Variants in L3MBTL4 observed in about 807,000 individuals in gnomAD.
L3MBTL4 encodes the protein L3MBTL histone methyl-lysine binding protein 4, also known as lethal(3)malignant brain tumor-like protein 4.
Under a neutral mutation model 84.5 loss-of-function variants are expected in L3MBTL4, and 70 were observed. That is an observed-to-expected ratio of 0.83 (90% confidence interval 0.68 to 1.01). The LOEUF is 1.01. L3MBTL4 is among the 50% of genes least tolerant of loss of function. The probability of loss-of-function intolerance (pLI) is 0.00; values close to 1 mark genes in which losing one functional copy is unlikely to be tolerated. For missense variants in L3MBTL4, 715 were observed against 754.8 expected, an observed-to-expected ratio of 0.95 and a Z score of 0.62; for synonymous variants, 274 against 259.8, an observed-to-expected ratio of 1.05 and a Z score of -0.52.
intron 1 of L3MBTL4, among the ~76,000 whole-genome samples, chr18:6,331,034 T>G (rs1005408892): frequency 6.6e-6 from 1 of 152,112 alleles, no homozygotes; most frequent in Non-Finnish European, 1.5e-5. Context: ...ACAGCAAAAT[T>G]ATTTATATTA....
intron 1 of L3MBTL4, among the ~76,000 whole-genome samples, chr18:6,327,053 G>A (rs2051761520): frequency 6.6e-6 from 1 of 152,138 alleles, no homozygotes; most frequent in African/African-American, 2.4e-5. Flanking sequence ...TAGAAAGCAG[G>A]GAAATGCGTA....
At chr18:6,071,773 GA>G (rs1307430729) in intron 16 of L3MBTL4, among the ~76,000 whole-genome samples, 100 of 90,856 alleles carry the variant, frequency 1.1e-3, no homozygotes, top group African/African-American at 3.6e-3. Context: ...AAGAAAGAAA[GA>G]AAGAAAGAAA....
At chr18:6,230,184 A>T (rs191630892) in intron 10 of L3MBTL4, among the ~76,000 whole-genome samples, 78 of 152,142 alleles carry the variant, frequency 5.1e-4, no homozygotes, top group African/African-American at 1.8e-3. Context: ...CTCAGGTAAT[A>T]AGAGAGGTAA....
chr18:6,133,333 T>TCACACACACACACACACACACACA (rs71699994), intron 14 of L3MBTL4, among the ~76,000 whole-genome samples: 4 of 146,694 alleles, frequency 2.7e-5, no homozygotes, highest in African/African-American at 1.0e-4. Flanking sequence ...CAGCTCTAGA[T>TCACACACACACACACACACACACA]CACACACACA....
chr18:6,346,734 T>C (rs953995339), intron 1 of L3MBTL4, among the ~76,000 whole-genome samples: 1 of 152,066 alleles, frequency 6.6e-6, no homozygotes, highest in Non-Finnish European at 1.5e-5. Flanking sequence ...AACCCTTGTA[T>C]ACAATTGGTG....
chr18:6,244,226 G>A (rs1271369065), intron 6 of L3MBTL4, among the ~76,000 whole-genome samples: 1 of 152,100 alleles, frequency 6.6e-6, no homozygotes, highest in African/African-American at 2.4e-5. Flanking sequence ...TTCACAGATT[G>A]TTAGCAACCT....
At chr18:6,012,937 T>C (rs2145408056) in intron 16 of L3MBTL4, among the ~76,000 whole-genome samples, 1 of 152,210 alleles carries the variant, frequency 6.6e-6, no homozygotes, top group Non-Finnish European at 1.5e-5. Context: ...TCTCCTCTCT[T>C]CTCCTTTCTG....
At chr18:6,366,585 G>A (rs1000814245) in intron 1 of L3MBTL4, among the ~76,000 whole-genome samples, 14 of 152,178 alleles carry the variant, frequency 9.2e-5, no homozygotes, top group Non-Finnish European at 2.1e-4. Flanking sequence ...ACAAGGAATT[G>A]ATATTCATGA....
chr18:6,277,997 C>T (rs548083697), intron 4 of L3MBTL4, among the ~76,000 whole-genome samples: 1 of 152,022 alleles, frequency 6.6e-6, no homozygotes, highest in South Asian at 2.1e-4. Context: ...TTTATATATA[C>T]ATGTATACAT....
At chr18:6,033,395 G>C (rs1598496001) in intron 16 of L3MBTL4, among the ~76,000 whole-genome samples, 1 of 152,102 alleles carries the variant, frequency 6.6e-6, no homozygotes, top group South Asian at 2.1e-4. Context: ...ACAGCATATA[G>C]TTGGATCTCG....
At chr18:6,235,780 G>T (rs1282233517) in intron 10 of L3MBTL4, among the ~76,000 whole-genome samples, 1 of 152,144 alleles carries the variant, frequency 6.6e-6, no homozygotes, top group African/African-American at 2.4e-5. Flanking sequence ...ATAACATTGT[G>T]AATACATTAA....
intron 1 of L3MBTL4, among the ~76,000 whole-genome samples, chr18:6,317,338 C>A: frequency 6.6e-6 from 1 of 150,610 alleles, no homozygotes; most frequent in African/African-American, 2.4e-5. Flanking sequence ...TGAAAACTAA[C>A]ATAAAGAAAT....
At chr18:6,403,282 T>C (rs918629799) in intron 1 of L3MBTL4, among the ~76,000 whole-genome samples, 1 of 152,246 alleles carries the variant, frequency 6.6e-6, no homozygotes, top group African/African-American at 2.4e-5. Flanking sequence ...ACTCTGTGTA[T>C]ATTAAGTAAA....
chr18:6,079,664 G>A (rs1307063152), intron 16 of L3MBTL4, among the ~76,000 whole-genome samples: 2 of 152,070 alleles, frequency 1.3e-5, no homozygotes, highest in African/African-American at 4.8e-5. Context: ...ATTACTCTGT[G>A]GAGATATTTT....
chr18:6,215,556 A>G (rs1352833389), intron 11 of L3MBTL4, among the ~76,000 whole-genome samples, 194 bp downstream of exon 11: 2 of 152,214 alleles, frequency 1.3e-5, no homozygotes, highest in African/African-American at 4.8e-5. Flanking sequence ...ACCATCATCT[A>G]CATTTCTATA....
intron 4 of L3MBTL4, among the ~76,000 whole-genome samples, chr18:6,270,282 C>A (rs1254657351): frequency 6.6e-6 from 1 of 152,190 alleles, no homozygotes; most frequent in Non-Finnish European, 1.5e-5. Flanking sequence ...GCTCTCCCTA[C>A]ATTTTTCACG....
At chr18:6,268,072 CATT>C (rs2048712038) in intron 4 of L3MBTL4, among the ~76,000 whole-genome samples, 1 of 152,146 alleles carries the variant, frequency 6.6e-6, no homozygotes, top group Admixed American at 6.5e-5. Context: ...GTATTTTCAT[CATT>C]GTTTCTCTGG....
intron 16 of L3MBTL4, among the ~76,000 whole-genome samples, chr18:6,000,572 C>G (rs1250999486): frequency 6.6e-6 from 1 of 152,100 alleles, no homozygotes. Context: ...TCAACACATA[C>G]ATAATTAGTG....
At chr18:6,057,066 T>C (rs146792869) in intron 16 of L3MBTL4, among the ~76,000 whole-genome samples, 322 of 152,134 alleles carry the variant, frequency 2.1e-3, no homozygotes, top group African/African-American at 7.2e-3. Context: ...AATCTCGCTC[T>C]CTCATCCAGG....
Sources: gnomAD v4.1 joint callset for allele counts (sites outside exome capture counted in the v4.1 genomes callset) on GRCh38, gnomAD v4.1.1 for gene constraint, MANE v1.5 for transcripts, NCBI Gene and HGNC (gene_info 2026-07-23, HGNC 2026-07-21) for gene names.